Variants in CD3G observed in about 807,000 individuals in gnomAD.
The protein encoded by CD3G is CD3 gamma subunit of T-cell receptor complex, also known as T-cell surface glycoprotein CD3 gamma chain.
In CD3G, 24 loss-of-function variants were observed where a neutral mutation model predicts 28.3. The observed-to-expected ratio is 0.85, with a 90% CI of 0.61 to 1.19. The LOEUF (loss-of-function observed/expected upper bound fraction) is 1.19. CD3G is among the 50% of genes most tolerant of loss of function. The probability of loss-of-function intolerance (pLI) is 0.00; values close to 1 mark genes in which losing one functional copy is unlikely to be tolerated. For synonymous variants in CD3G, 71 were observed against 75.9 expected (o/e 0.93, Z 0.34); for missense variants, 211 against 210.0 (o/e 1.00, Z -0.03).
At chr11:118,350,972 A>C (rs1449707853) in intron 4 of CD3G, 1 of 774,696 alleles carries the variant, frequency 1.3e-6, no homozygotes, top group African/African-American at 1.8e-5. Context: ...GCAGATCACG[A>C]GGTCAGGAGA....
At chr11:118,350,238 G>A in intron 3 of CD3G, 1 of 571,404 alleles carries the variant, frequency 1.8e-6, no homozygotes, top group Non-Finnish European at 3.1e-6. Context: ...TGAAGGGGTT[G>A]GGGAGACAGA....
Position 118,353,883 on chromosome 11 carries a change from C to T in CD3G, c.*783C>T, listed in dbSNP as rs1948430173. ...TGGAGGTATTCTAGGCATATATGAGCACATTCTCAAGTACATATTATCCTC... is the reference window on the plus strand; with the variant it reads ...TGGAGGTATTCTAGGCATATATGAGTACATTCTCAAGTACATATTATCCTC... On this transcript the variant is annotated 3_prime_UTR_variant, in exon 7 of 7. Coordinates refer to ENST00000532917, the MANE Select transcript of CD3G (RefSeq NM_000073.3). 6.6e-6 allele frequency: 1 copy of T among 152,096 alleles called. No individual in the cohort carries two copies. Among genetic ancestry groups the T allele is most frequent in the South Asian group, 2.1e-4 (1 of 4,822 alleles). The allele number at this position is 152,096 out of a possible 1,614,324, so 9.4% of individuals were successfully genotyped here.
intron 4 of CD3G, 45 bp downstream of exon 4, chr11:118,350,728 T>C (rs752122369): frequency 1.2e-6 from 2 of 1,612,680 alleles, no homozygotes; most frequent in South Asian, 2.2e-5. Flanking sequence ...CCTGAGACCC[T>C]CAGCTTTCCT....
Position 118,349,828 on chromosome 11 carries a change from G to A in CD3G, c.165G>A (p.Trp55Ter). The change falls in exon 3 of 7, where the codon TGG becomes TGA. Residue 55 changes from tryptophan to a stop codon, truncating the protein, a stop_gained. Transcript: ENST00000532917. LOFTEE classifies it high-confidence loss of function. ...TCDAEAKNIT[W>*]FKDGKMIGFL... ...ATGCAGAAGCCAAAAATATCACATG[G>A]TTTAAAGATGGGAAGATGATCGGCT... 1.2e-6 allele frequency: 2 copies of A among 1,614,018 alleles called. No homozygotes were observed. The highest frequency in any genetic ancestry group is 1.7e-6 in the Non-Finnish European group (2 of 1,179,956).
intron 2 of CD3G, chr11:118,349,345 T>G: frequency 7.8e-7 from 1 of 1,278,672 alleles, no homozygotes; most frequent in Non-Finnish European, 1.0e-6. Context: ...CCTGGGATCC[T>G]GACGTTAGTC....
At chr11:118,349,243 C>A in intron 2 of CD3G, 193 bp downstream of exon 2, 2 of 1,512,870 alleles carry the variant, frequency 1.3e-6, no homozygotes, top group Non-Finnish European at 8.8e-7. Context: ...TGTAGCTAAG[C>A]ATTTAACTGG....
intron 2 of CD3G, 86 bp from the exon 3 acceptor site, chr11:118,349,657 C>A: frequency 9.8e-7 from 1 of 1,018,256 alleles, no homozygotes; most frequent in Non-Finnish European, 1.5e-6. Context: ...TTGAGAAACA[C>A]TACTCTAATG....
At chr11:118,352,695 G>A (rs970656828) in intron 6 of CD3G, among the ~76,000 whole-genome samples, 1 of 152,216 alleles carries the variant, frequency 6.6e-6, no homozygotes, top group Non-Finnish European at 1.5e-5. Context: ...TTATGTATCT[G>A]TAAATCCTGT....
At chr11:118,345,867 T>C (rs915804321) in intron 1 of CD3G, among the ~76,000 whole-genome samples, 2 of 152,180 alleles carry the variant, frequency 1.3e-5, no homozygotes, top group Admixed American at 1.3e-4. Flanking sequence ...CTGCTGAAAC[T>C]GAGCTGGGTG....
At chr11:118,351,759 A>G (rs1948412035) in intron 5 of CD3G, 88 bp downstream of exon 5, 5 of 1,245,218 alleles carry the variant, frequency 4.0e-6, no homozygotes, top group Non-Finnish European at 5.9e-6. Flanking sequence ...GGAAGATCCT[A>G]TACAGGTAAG....
intron 3 of CD3G, chr11:118,350,275 G>A (rs1948394540): frequency 1.8e-6 from 1 of 571,338 alleles, no homozygotes; most frequent in South Asian, 2.0e-5. Context: ...GCAGCAGTGA[G>A]AACTGGAGCG....
intron 1 of CD3G, among the ~76,000 whole-genome samples, chr11:118,344,891 T>A (rs529290092): frequency 1.3e-5 from 2 of 152,294 alleles, no homozygotes; most frequent in Non-Finnish European, 1.5e-5. Context: ...CAAAGATGGG[T>A]GAGACCCTAA....
chr11:118,350,028 T>C, intron 3 of CD3G, 58 bp downstream of exon 3: 1 of 1,379,672 alleles, frequency 7.2e-7, no homozygotes, highest in Non-Finnish European at 1.0e-6. Context: ...GCTGTTCTGG[T>C]GAGCTTTTTA....
intron 5 of CD3G, among the ~76,000 whole-genome samples, chr11:118,351,929 C>T (rs1948413271): frequency 6.6e-6 from 1 of 151,902 alleles, no homozygotes; most frequent in South Asian, 2.1e-4. Flanking sequence ...TGGGCACTCA[C>T]TATAGACAGG....
rs1948438785 is a variant in CD3G at position 118,355,086 on chromosome 11, G to C, written c.*1986G>C. On this transcript the variant is annotated 3_prime_UTR_variant, in exon 7 of 7. Coordinates refer to ENST00000532917, the MANE Select transcript of CD3G (RefSeq NM_000073.3). ...TACTTTTTACAGCTTTATGGTTTTA[G>C]CTCTAACAATAAATGTGATTTTGAA... The C allele has an allele frequency of 6.6e-6, 1 of 151,788 alleles. No homozygotes were observed. Among genetic ancestry groups the C allele is most frequent in the Non-Finnish European group, 1.5e-5 (1 of 67,930 alleles). 9.4% of individuals were successfully genotyped at this position (151,788 alleles called of 1,614,324 possible).
intron 6 of CD3G, among the ~76,000 whole-genome samples, chr11:118,352,823 G>A (rs1948421906): frequency 6.6e-6 from 1 of 152,176 alleles, no homozygotes; most frequent in Non-Finnish European, 1.5e-5. Flanking sequence ...TGAGGGGCTA[G>A]CCTGTGCATT....
chr11:118,346,920 C>A (rs934861077), intron 1 of CD3G, among the ~76,000 whole-genome samples: 14 of 151,766 alleles, frequency 9.2e-5, no homozygotes, highest in Admixed American at 3.9e-4. Flanking sequence ...GGTCTTCTGA[C>A]CAGGTGGTCA....
At chr11:118,345,616 T>G (rs1254600966) in intron 1 of CD3G, among the ~76,000 whole-genome samples, 1 of 152,146 alleles carries the variant, frequency 6.6e-6, no homozygotes, top group Non-Finnish European at 1.5e-5. Context: ...CTTGAGCACA[T>G]TTCTAGGCTA....
chr11:118,349,838 G>A lies in CD3G; in HGVS notation c.175G>A (p.Gly59Arg). Residue 59 changes from glycine to arginine, a missense_variant, in exon 3 of 7, where the codon GGG (glycine) becomes AGG (arginine). Physicochemically the swap from Gly to Arg is moderately radical, Grantham distance 125 (BLOSUM62 -2). Transcript: ENST00000532917. The part of the protein sequence containing the change: ...EAKNITWFKD[G>R]KMIGFLTEDK... The stretch of plus-strand genomic sequence containing the variant: ...CAAAAATATCACATGGTTTAAAGAT[G>A]GGAAGATGATCGGCTTCCTAACTGA... 6.2e-7 allele frequency: 1 copy of A among 1,614,034 alleles called. No individual in the cohort carries two copies. Among genetic ancestry groups the A allele is most frequent in the Non-Finnish European group, 8.5e-7 (1 of 1,179,974 alleles).
Sources: allele counts gnomAD v4.1 joint callset (sites outside exome capture counted in the v4.1 genomes callset), GRCh38; gene constraint gnomAD v4.1.1; transcripts MANE v1.5; gene names NCBI Gene and HGNC (gene_info 2026-07-23, HGNC 2026-07-21).